TEX29: variants seen among roughly 807,000 people sequenced by gnomAD.
TEX29 encodes the protein testis expressed 29, also known as testis-expressed protein 29.
A neutral mutation model predicts 18.2 loss-of-function variants in TEX29; 26 were observed. The ratio of observed to expected loss-of-function variants is 1.43; its 90% CI spans 1.04 to 1.98. The LOEUF is 1.98. Among genes scored for constraint, TEX29 ranks in the 30% most tolerant of loss-of-function variants. TEX29 has a pLI of 0.00. For synonymous variants in TEX29, 83 were observed against 78.5 expected (o/e 1.06, Z -0.31); for missense variants, 177 against 194.2 (o/e 0.91, Z 0.53).
At chr13:111,317,033 G>A (rs976020718), upstream of TEX29, among the ~76,000 whole-genome samples, 2 of 152,134 alleles carry the variant, frequency 1.3e-5, no homozygotes, top group Non-Finnish European at 1.5e-5. Flanking sequence ...CCCCCACCAC[G>A]TCCCTCTCTT....
chr13:111,332,434 T>A (rs1191119941), intron 3 of TEX29, among the ~76,000 whole-genome samples: 1 of 152,162 alleles, frequency 6.6e-6, no homozygotes, highest in Non-Finnish European at 1.5e-5. Context: ...AGTTTTCTAG[T>A]TGATTCCTTA....
At chr13:111,340,162 G>A (rs1305786170) in intron 4 of TEX29, among the ~76,000 whole-genome samples, 4 of 150,994 alleles carry the variant, frequency 2.6e-5, no homozygotes, top group East Asian at 2.0e-4. Context: ...GAGCACCTGT[G>A]CTTGTTGATG....
chr13:111,318,101 C>T (rs1195748357), upstream of TEX29, among the ~76,000 whole-genome samples: 3 of 152,170 alleles, frequency 2.0e-5, no homozygotes, highest in Non-Finnish European at 4.4e-5. Context: ...TGGACTCACA[C>T]CCCTGTCTAG....
chr13:111,340,166 G>A (rs1056544292), intron 4 of TEX29, among the ~76,000 whole-genome samples: 14 of 150,868 alleles, frequency 9.3e-5, no homozygotes, highest in African/African-American at 3.4e-4. Context: ...ACCTGTGCTT[G>A]TTGATGAAAA....
chr13:111,320,806 C>T, intron 1 of TEX29, 44 bp downstream of exon 1: 1 of 1,579,472 alleles, frequency 6.3e-7, no homozygotes, highest in Non-Finnish European at 8.7e-7. Context: ...CGCCCGCTCC[C>T]CAAACGACGT....
upstream of TEX29, among the ~76,000 whole-genome samples, chr13:111,319,474 G>A (rs1046386429): frequency 4.6e-5 from 7 of 152,078 alleles, no homozygotes; most frequent in South Asian, 2.1e-4. Context: ...CCCAAATTGC[G>A]TGTATGTGTA....
chr13:111,321,047 C>T (rs1026349695), intron 2 of TEX29, 99 bp downstream of exon 2: 1 of 1,377,282 alleles, frequency 7.3e-7, no homozygotes, highest in Non-Finnish European at 1.0e-6. Context: ...GACAGGGGGT[C>T]CTGGTCCCAG....
upstream of TEX29, among the ~76,000 whole-genome samples, chr13:111,319,384 G>A (rs2479967): frequency 0.28 from 42,502 of 152,058 alleles, 6,853 homozygotes; most frequent in East Asian, 0.82. Flanking sequence ...ATATTATTCA[G>A]TCGTGAGAAG....
At chr13:111,334,997 G>A (rs899118118) in intron 3 of TEX29, among the ~76,000 whole-genome samples, 1 of 152,174 alleles carries the variant, frequency 6.6e-6, no homozygotes, top group Non-Finnish European at 1.5e-5. Context: ...AAAGGTCCAA[G>A]CTTGCTCTTT....
At chr13:111,337,194 C>T (rs918203111) in intron 3 of TEX29, among the ~76,000 whole-genome samples, 7 of 152,154 alleles carry the variant, frequency 4.6e-5, no homozygotes, top group Non-Finnish European at 2.9e-5. Context: ...CTCTCAGATC[C>T]ATCCTCTATT....
At chr13:111,327,778 A>ATATAT (rs2093676435) in intron 2 of TEX29, among the ~76,000 whole-genome samples, 1 of 152,202 alleles carries the variant, frequency 6.6e-6, no homozygotes, top group African/African-American at 2.4e-5. Flanking sequence ...AAATTCTGAA[A>ATATAT]TAATCCTCAG....
chr13:111,317,676 T>G (rs2093656836), upstream of TEX29, among the ~76,000 whole-genome samples: 1 of 152,222 alleles, frequency 6.6e-6, no homozygotes, highest in Non-Finnish European at 1.5e-5. Context: ...AGCACCGACA[T>G]GGCGCCAACA....
rs532176801 is a variant in TEX29 at position 111,330,461 on chromosome 13, G to C, written c.169+2168G>C. Among the ~76,000 whole-genome samples, 263 of 152,266 alleles carry C rather than the reference G, an allele frequency of 1.7e-3. 2 individuals carry two copies. The highest frequency in any genetic ancestry group is 5.9e-3 in the African/African-American group (247 of 41,536). On this transcript the variant is annotated intron_variant, in intron 3 of 5. Coordinates refer to ENST00000283547, the MANE Select transcript of TEX29 (RefSeq NM_152324.3). ...CTGCAGATCCTGGCTTTAGAGACTC[G>C]GGACCAGACCCCTCGCTGTCCCAGC... is the stretch of plus-strand genomic sequence containing the variant.
At position 111,322,677 on chromosome 13, in the gene TEX29, C is replaced by T. The variant is rs541430820; in HGVS notation, c.58+1729C>T. Among the ~76,000 whole-genome samples, 8 of 152,316 alleles carry T rather than the reference C, an allele frequency of 5.3e-5. No homozygotes were observed. In the East Asian group the frequency reaches 5.8e-4, roughly 11 times the overall value. On this transcript the variant is annotated intron_variant, in intron 2 of 5. Transcript: ENST00000283547. The stretch of plus-strand genomic sequence containing the variant: ...GGACCCAGCTCCTGGTGTCTGCAGG[C>T]GACACTCCTGTGTGCTCCCCACACA...
At chr13:111,320,605 G>A, upstream of TEX29, 1 of 526,688 alleles carries the variant, frequency 1.9e-6, no homozygotes, top group East Asian at 3.4e-5. Flanking sequence ...TGTCACAGCG[G>A]GCGGGGTGGT....
At chr13:111,321,071 G>A (rs1415458056) in intron 2 of TEX29, 123 bp downstream of exon 2, 4 of 1,069,370 alleles carry the variant, frequency 3.7e-6, no homozygotes, top group Non-Finnish European at 5.4e-6. Context: ...TGGCTAGGAG[G>A]GCAAGGCAGC....
chr13:111,326,255 C>CCCGGCG lies in TEX29; in HGVS notation c.59-1927_59-1926insCGGCGC. 1.4e-3 allele frequency among the ~76,000 whole-genome samples: 178 copies of CCCGGCG among 129,680 alleles called. 16 individuals are homozygous for CCCGGCG. The highest frequency in any genetic ancestry group is 4.8e-3 in the African/African-American group (161 of 33,714). The allele number at this position is 129,680 out of a possible 152,430, so 85.1% of individuals were successfully genotyped here. On this transcript the variant is annotated intron_variant, in intron 2 of 5. Transcript: ENST00000283547. ...GGGTGGAGACTGCGGGCAACGCGAG[C>CCCGGCG]CTGGCGCTGGTGGGTGTCTGGTGGG...
upstream of TEX29, chr13:111,316,191 TCTC>T (rs751084921): frequency 1.0e-5 from 5 of 498,038 alleles, no homozygotes; most frequent in East Asian, 5.7e-5. Flanking sequence ...ACAGGTGAGT[TCTC>T]CTGGAAGAAG....
intron 2 of TEX29, among the ~76,000 whole-genome samples, chr13:111,322,167 C>T (rs2093665825): frequency 6.6e-6 from 1 of 152,208 alleles, no homozygotes; most frequent in African/African-American, 2.4e-5. Flanking sequence ...CACCAGGCCA[C>T]CAGACTTTGT....
Sources: gnomAD v4.1 joint callset for allele counts (sites outside exome capture counted in the v4.1 genomes callset) on GRCh38, gnomAD v4.1.1 for gene constraint, MANE v1.5 for transcripts, NCBI Gene and HGNC (gene_info 2026-07-23, HGNC 2026-07-21) for gene names.